INPP5B: variants seen among roughly 807,000 people sequenced by gnomAD.
INPP5B encodes the protein type II inositol 1,4,5-trisphosphate 5-phosphatase.
In INPP5B, 90 loss-of-function variants were observed where a neutral mutation model predicts 118.5. The ratio of observed to expected loss-of-function variants is 0.76; its 90% confidence interval spans 0.64 to 0.90. The LOEUF (loss-of-function observed/expected upper bound fraction) is 0.90, where lower values mean the gene tolerates loss of function less well. Among genes scored for constraint, INPP5B ranks in the 40% least tolerant of loss-of-function variants. INPP5B has a pLI of 0.00. For synonymous variants in INPP5B, 385 were observed against 418.9 expected, an observed-to-expected ratio of 0.92 and a Z score of 0.99; for missense variants, 984 against 1,125.6, an observed-to-expected ratio of 0.87 and a Z score of 1.80.
At position 37,941,937 on chromosome 1, in the gene INPP5B, CAAAAAAAAAA is replaced by C. The variant is rs1212694634; in HGVS notation, c.281-1149_281-1140del. On this transcript the variant is annotated intron_variant, in intron 5 of 23. Transcript: ENST00000373024. ...TGGGCGACAGAGCGAGACTCCGTCT[CAAAAAAAAAA>C]AAAAAAAAAAAATATATATATATAT... is the stretch of plus-strand genomic sequence containing the variant. 3.1e-4 allele frequency: 4 copies of C among 12,912 alleles called. 1 individual carries two copies. Among genetic ancestry groups the C allele is most frequent in the Non-Finnish European group, 7.2e-4 (4 of 5,578 alleles). 0.8% of individuals were successfully genotyped at this position (12,912 alleles called of 1,614,324 possible).
intron 6 of INPP5B, 98 bp from the exon 7 acceptor site, chr1:37,932,151 G>GGAGAAA: frequency 3.0e-5 from 39 of 1,305,050 alleles, no homozygotes; most frequent in Non-Finnish European, 3.9e-5. Context: ...TGTTTCTCCC[G>GGAGAAA]CGCACAGAAG....
At chr1:37,932,350 TTTC>T (rs1167071497) in intron 6 of INPP5B, among the ~76,000 whole-genome samples, 1 of 146,174 alleles carries the variant, frequency 6.8e-6, no homozygotes, top group Admixed American at 7.1e-5. Context: ...TTATCCCAAT[TTTC>T]TTTTCTTTTC....
chr1:37,906,869 A>C (rs1644518592), intron 7 of INPP5B, among the ~76,000 whole-genome samples: 1 of 150,818 alleles, frequency 6.6e-6, no homozygotes, highest in Non-Finnish European at 1.5e-5. Context: ...CAAAAAAAAA[A>C]AAAAGAAAGA....
At chr1:37,921,574 C>T (rs1645054160) in intron 7 of INPP5B, among the ~76,000 whole-genome samples, 1 of 152,216 alleles carries the variant, frequency 6.6e-6, no homozygotes. Flanking sequence ...GGGCCAGGCG[C>T]AGTGCCTCAC....
At chr1:37,908,243 C>A (rs1370349923) in intron 7 of INPP5B, among the ~76,000 whole-genome samples, 1 of 152,178 alleles carries the variant, frequency 6.6e-6, no homozygotes, top group Non-Finnish European at 1.5e-5. Flanking sequence ...CTTCAGGAGA[C>A]CAGTCCCCTG....
chr1:37,892,679 G>GA (rs1414376366), intron 7 of INPP5B, among the ~76,000 whole-genome samples: 6 of 152,300 alleles, frequency 3.9e-5, no homozygotes, highest in Admixed American at 1.3e-4. Flanking sequence ...ATTTGAACAT[G>GA]AAAATAATTA....
At chr1:37,908,281 T>A (rs2148590600) in intron 7 of INPP5B, among the ~76,000 whole-genome samples, 1 of 152,182 alleles carries the variant, frequency 6.6e-6, no homozygotes, top group South Asian at 2.1e-4. Context: ...TGACCTCAGG[T>A]CCTCAGACCA....
At chr1:37,888,431 C>A in intron 9 of INPP5B, 87 bp from the exon 10 acceptor site, 1 of 784,182 alleles carries the variant, frequency 1.3e-6, no homozygotes. Context: ...TGCTGGTTTC[C>A]GTCTCTGTGG....
intron 7 of INPP5B, among the ~76,000 whole-genome samples, chr1:37,917,056 C>T (rs918461924): frequency 5.3e-5 from 8 of 150,152 alleles, no homozygotes; most frequent in Non-Finnish European, 7.4e-5. Context: ...TTTGGGAGGC[C>T]GAGGCAAGCA....
chr1:37,904,040 AAGTC>A (rs1317653446), intron 7 of INPP5B, among the ~76,000 whole-genome samples: 2 of 152,186 alleles, frequency 1.3e-5, no homozygotes, highest in African/African-American at 4.8e-5. Context: ...AGATTATAAG[AAGTC>A]AGTCAGGCAT....
At chr1:37,901,397 G>A (rs1644327454) in intron 7 of INPP5B, among the ~76,000 whole-genome samples, 1 of 152,104 alleles carries the variant, frequency 6.6e-6, no homozygotes, top group Non-Finnish European at 1.5e-5. Flanking sequence ...TTTACCATAT[G>A]GAAAGGCACC....
At chr1:37,925,343 C>CAA (rs1645189571) in intron 7 of INPP5B, among the ~76,000 whole-genome samples, 1 of 152,134 alleles carries the variant, frequency 6.6e-6, no homozygotes, top group Admixed American at 6.5e-5. Flanking sequence ...TCTTCTCATT[C>CAA]ATATTTGCTA....
chr1:37,908,051 C>A (rs1644557826), intron 7 of INPP5B, among the ~76,000 whole-genome samples: 1 of 152,048 alleles, frequency 6.6e-6, no homozygotes, highest in Admixed American at 6.6e-5. Context: ...ACTTTGTACA[C>A]CTATCCCAAA....
intron 15 of INPP5B, among the ~76,000 whole-genome samples, chr1:37,878,977 G>A (rs1368097311): frequency 6.7e-6 from 1 of 148,458 alleles, no homozygotes; most frequent in East Asian, 2.1e-4. Flanking sequence ...CTTGGTTAAG[G>A]CCAGGCACGG....
At chr1:37,926,384 G>A (rs1175784605) in intron 7 of INPP5B, among the ~76,000 whole-genome samples, 2 of 152,066 alleles carry the variant, frequency 1.3e-5, no homozygotes, top group African/African-American at 2.4e-5. Flanking sequence ...CCGCCTCCCA[G>A]GTTCAAGTGA....
chr1:37,880,507 G>A (rs1017846813), intron 14 of INPP5B, among the ~76,000 whole-genome samples: 5 of 150,210 alleles, frequency 3.3e-5, no homozygotes, highest in African/African-American at 7.4e-5. Flanking sequence ...GCGCAATCTC[G>A]GCTCACCGCA....
chr1:37,883,441 T>C, intron 13 of INPP5B: 7 of 985,452 alleles, frequency 7.1e-6, no homozygotes, highest in Non-Finnish European at 8.4e-6. Flanking sequence ...GCTCTTTCTG[T>C]ACTGCAGAGT....
At chr1:37,913,476 CCTT>C (rs1644769049) in intron 7 of INPP5B, among the ~76,000 whole-genome samples, 1 of 152,048 alleles carries the variant, frequency 6.6e-6, no homozygotes. Context: ...CTGTTTTTCT[CCTT>C]CTCTTATTAG....
At chr1:37,925,002 C>T (rs1211233738) in intron 7 of INPP5B, among the ~76,000 whole-genome samples, 1 of 152,078 alleles carries the variant, frequency 6.6e-6, no homozygotes, top group East Asian at 1.9e-4. Flanking sequence ...GTTGAAACCC[C>T]GTCTTTACTG....
Sources: gnomAD v4.1 joint callset for allele counts (sites outside exome capture counted in the v4.1 genomes callset) on GRCh38, gnomAD v4.1.1 for gene constraint, MANE v1.5 for transcripts, NCBI Gene and HGNC (gene_info 2026-07-23, HGNC 2026-07-21) for gene names.